The following ARMC2 variants were observed in gnomAD, a reference collection of about 807,000 sequenced individuals.
ARMC2 encodes the protein armadillo repeat-containing protein 2.
A neutral mutation model predicts 90.3 loss-of-function variants in ARMC2; 67 were observed. The ratio of observed to expected loss-of-function variants is 0.74; its 90% CI spans 0.61 to 0.91. ARMC2 has a LOEUF of 0.91. Ranked by LOEUF, ARMC2 falls within the 40% of genes least tolerant of loss-of-function variation. The pLI, the probability that ARMC2 is intolerant of heterozygous loss-of-function variation, is 0.00. For synonymous variants in ARMC2, 393 were observed against 393.0 expected, an observed-to-expected ratio of 1.00 and a Z score of 0.00; for missense variants, 920 against 1,030.9, an observed-to-expected ratio of 0.89 and a Z score of 1.47.
chr6:108,900,893 G>T (rs1185204531), intron 7 of ARMC2, among the ~76,000 whole-genome samples: 1 of 152,008 alleles, frequency 6.6e-6, no homozygotes, highest in Non-Finnish European at 1.5e-5. Context: ...TTCCCCTCTA[G>T]AGTTACTATG....
In ARMC2 at chr6:108,848,478, C is replaced by G. The variant is rs1051602167; in HGVS notation, c.-112C>G. On this transcript the variant is annotated 5_prime_UTR_variant, in exon 1 of 18. Transcript: ENST00000392644. ...CCCGCGCCAGCGCTGCATCCCTGGC[C>G]GCTACCCGGGGAGAGCCGGAGGATG... 2 of 152,410 alleles carry G rather than the reference C, an allele frequency of 1.3e-5. No homozygotes were observed. Among genetic ancestry groups the G allele is most frequent in the African/African-American group, 2.4e-5 (1 of 41,464 alleles). 9.4% of individuals were successfully genotyped at this position (152,410 alleles called of 1,614,324 possible).
intron 5 of ARMC2, among the ~76,000 whole-genome samples, chr6:108,891,604 T>G (rs1771034597): frequency 6.6e-6 from 1 of 152,254 alleles, no homozygotes; most frequent in Admixed American, 6.5e-5. Context: ...GAATTTTTTT[T>G]TCTTGTAAAT....
intron 1 of ARMC2, 88 bp from the exon 2 acceptor site, chr6:108,854,137 A>C: frequency 4.6e-6 from 3 of 647,220 alleles, no homozygotes; most frequent in Non-Finnish European, 7.8e-6. Context: ...ATATAGAGGA[A>C]TGATTTAGTA....
the ARMC2 span, among the ~76,000 whole-genome samples, chr6:109,050,546 T>C: frequency 2.0e-5 from 3 of 152,224 alleles, no homozygotes; most frequent in South Asian, 4.1e-4. Context: ...TCTGAAAGAC[T>C]GATGAAATTA....
At chr6:108,951,937 G>A (rs925115672) in intron 12 of ARMC2, among the ~76,000 whole-genome samples, 4 of 152,244 alleles carry the variant, frequency 2.6e-5, no homozygotes, top group African/African-American at 9.6e-5. Flanking sequence ...CACCCTGTGT[G>A]GGAAGCAGAT....
chr6:108,907,575 G>A, intron 8 of ARMC2: 2 of 1,512,832 alleles, frequency 1.3e-6, no homozygotes, highest in Non-Finnish European at 1.8e-6. Context: ...TCGGGCCAAG[G>A]TCGTGGGGTG....
At chr6:108,922,542 GA>G (rs1004085096) in intron 10 of ARMC2, among the ~76,000 whole-genome samples, 17 of 152,166 alleles carry the variant, frequency 1.1e-4, no homozygotes, top group African/African-American at 3.6e-4. Flanking sequence ...TAGTCAACTT[GA>G]AAAAAACAGA....
Position 108,910,957 on chromosome 6 carries a change from G to T in ARMC2, c.1082G>T (p.Arg361Met), listed in dbSNP as rs961695073. Residue 361 changes from arginine (R) to methionine (M), a missense_variant, in exon 9 of 18, where the codon AGG becomes ATG. Arg to Met is a moderately conservative substitution (Grantham distance 91, BLOSUM62 -1). Coordinates refer to ENST00000392644, the MANE Select transcript of ARMC2 (RefSeq NM_032131.6). ...TGCAAACTTATATTTAAAATTAGCA[G>T]GAATGAGAAGAATGATTCTTTGATT... ...NVCKLIFKIS[R>M]NEKNDSLIQN... is the part of the protein sequence containing the mutation. 1 of 1,584,822 alleles carries T rather than the reference G, an allele frequency of 6.3e-7. No homozygotes were observed. Among genetic ancestry groups the T allele is most frequent in the South Asian group, 1.2e-5 (1 of 83,802 alleles).
rs1773364768 is a variant in ARMC2 at position 108,910,951 on chromosome 6, T to A, written c.1076T>A (p.Ile359Asn). 1 of 1,585,108 alleles carries A rather than the reference T, an allele frequency of 6.3e-7. No homozygotes were observed. Among genetic ancestry groups the A allele is most frequent in the African/African-American group, 1.3e-5 (1 of 74,476 alleles). The change falls in exon 9 of 18, where the codon ATT (isoleucine) becomes AAT (asparagine). Residue 359 changes from isoleucine to asparagine, a missense_variant. Coordinates refer to ENST00000392644, the MANE Select transcript of ARMC2 (RefSeq NM_032131.6). Reference protein sequence around the residue: ...LLNVCKLIFKISRNEKNDSLI... With the variant: ...LLNVCKLIFKNSRNEKNDSLI... ...AATGTCTGCAAACTTATATTTAAAA[T>A]TAGCAGGAATGAGAAGAATGATTCT...
chr6:108,893,475 G>A (rs937231903), intron 5 of ARMC2, among the ~76,000 whole-genome samples: 2 of 152,258 alleles, frequency 1.3e-5, no homozygotes, highest in African/African-American at 4.8e-5. Context: ...GGGAAGGGAG[G>A]AAGAGAGAAA....
chr6:108,891,133 T>C (rs183325717), intron 5 of ARMC2, among the ~76,000 whole-genome samples: 1 of 152,360 alleles, frequency 6.6e-6, no homozygotes, highest in Admixed American at 6.5e-5. Flanking sequence ...TGCCACATTT[T>C]CTTTATTCAG....
At chr6:108,987,217 CTTG>C in the ARMC2 span, 1 of 213,644 alleles carries the variant, frequency 4.7e-6, no homozygotes, top group Admixed American at 5.8e-5. Context: ...TGCTCCAATT[CTTG>C]TTATCTTATT....
chr6:108,965,308 C>A (rs1778281426), intron 17 of ARMC2, among the ~76,000 whole-genome samples, 168 bp downstream of exon 17: 1 of 149,542 alleles, frequency 6.7e-6, no homozygotes, highest in South Asian at 2.1e-4. Flanking sequence ...AGGCTGAATG[C>A]TATTTACAGT....
At chr6:108,987,539 A>C in the ARMC2 span, 1 of 1,523,534 alleles carries the variant, frequency 6.6e-7, no homozygotes, top group Non-Finnish European at 9.1e-7. Context: ...AATGAAGGAA[A>C]GGCATCAGGT....
chr6:108,962,737 G>T (rs1327420467), intron 15 of ARMC2, among the ~76,000 whole-genome samples: 3 of 152,222 alleles, frequency 2.0e-5, no homozygotes, highest in Non-Finnish European at 2.9e-5. Flanking sequence ...GGGTACAGTG[G>T]TTCAAGCCTG....
downstream of ARMC2, among the ~76,000 whole-genome samples, chr6:108,977,467 G>A (rs1164674184): frequency 6.6e-6 from 1 of 151,974 alleles, no homozygotes; most frequent in Admixed American, 6.6e-5. Flanking sequence ...TTCTTTTTTT[G>A]TTGTATCTCT....
At chr6:108,920,848 C>A (rs1400819226) in intron 10 of ARMC2, among the ~76,000 whole-genome samples, 1 of 152,082 alleles carries the variant, frequency 6.6e-6, no homozygotes, top group Non-Finnish European at 1.5e-5. Flanking sequence ...AGAGAGGGAC[C>A]AGGTAGGGGC....
intron 3 of ARMC2, among the ~76,000 whole-genome samples, chr6:108,867,771 C>CA (rs879705774): frequency 9.0e-4 from 125 of 138,684 alleles, no homozygotes; most frequent in Non-Finnish European, 1.0e-3. Flanking sequence ...AACTTCATCT[C>CA]AAAAAAAAAA....
chr6:108,989,537 AGAGATATC>A, the ARMC2 span, among the ~76,000 whole-genome samples: 6 of 104,378 alleles, frequency 5.7e-5, no homozygotes, highest in Non-Finnish European at 1.2e-4. Flanking sequence ...CTATAGAGAT[AGAGATATC>A]TCTAGATCTA....
Sources: allele counts gnomAD v4.1 joint callset (sites outside exome capture counted in the v4.1 genomes callset), GRCh38; gene constraint gnomAD v4.1.1; transcripts MANE v1.5; gene names NCBI Gene and HGNC (gene_info 2026-07-23, HGNC 2026-07-21).